CSTF3: variants seen among roughly 807,000 people sequenced by gnomAD.
The protein encoded by CSTF3 is cleavage stimulation factor subunit 3, also known as CF-1 77 kDa subunit.
Under a neutral mutation model 105.8 loss-of-function variants are expected in CSTF3, and 29 were observed. The ratio of observed to expected loss-of-function variants is 0.27; its 90% CI spans 0.20 to 0.37. CSTF3 has a LOEUF of 0.37. CSTF3 is among the 10% of genes least tolerant of loss of function. The pLI is 1.00. For synonymous variants in CSTF3, 252 were observed against 281.9 expected, an observed-to-expected ratio of 0.89 and a Z score of 1.06; for missense variants, 357 against 879.3, an observed-to-expected ratio of 0.41 and a Z score of 7.51.
chr11:33,113,738 C>T (rs1338407465), intron 3 of CSTF3, among the ~76,000 whole-genome samples: 1 of 151,614 alleles, frequency 6.6e-6, no homozygotes, highest in Non-Finnish European at 1.5e-5. Flanking sequence ...GATCAATTAA[C>T]CTTTAAGTTT....
chr11:33,107,392 C>T (rs1211116466), intron 5 of CSTF3, among the ~76,000 whole-genome samples: 1 of 152,104 alleles, frequency 6.6e-6, no homozygotes, highest in East Asian at 1.9e-4. Flanking sequence ...ACAGACATAA[C>T]TTGCCTGTTA....
chr11:33,161,439 G>A lies in CSTF3; in HGVS notation c.-114C>T, dbSNP rs1180141179. The A allele has an allele frequency of 9.0e-6, 10 of 1,108,850 alleles. No individual in the cohort carries two copies. Among genetic ancestry groups the A allele is most frequent in the Middle Eastern group, 2.0e-4 (1 of 5,066 alleles). 68.7% of individuals were successfully genotyped at this position (1,108,850 alleles called of 1,614,324 possible). On this transcript the variant is annotated 5_prime_UTR_variant, in exon 1 of 21. Coordinates refer to ENST00000323959, the MANE Select transcript of CSTF3 (RefSeq NM_001326.3). ...AGTTACCCCCTGCCCAGCTGAGCCA[G>A]ACCGCCAACACCAATCGCCACCGCC...
At chr11:33,109,456 A>C (rs1377981282) in intron 3 of CSTF3, among the ~76,000 whole-genome samples, 2 of 152,080 alleles carry the variant, frequency 1.3e-5, no homozygotes, top group Admixed American at 1.3e-4. Context: ...TGATCTTTAG[A>C]GTTCATAAAT....
intron 3 of CSTF3, among the ~76,000 whole-genome samples, chr11:33,123,612 C>A (rs1481476915): frequency 6.6e-6 from 1 of 151,888 alleles, no homozygotes; most frequent in African/African-American, 2.4e-5. Context: ...ACTTACATGT[C>A]CTTCAGTAGG....
chr11:33,129,414 T>C (rs1029062954), intron 3 of CSTF3, among the ~76,000 whole-genome samples: 5 of 151,712 alleles, frequency 3.3e-5, no homozygotes, highest in Non-Finnish European at 7.4e-5. Flanking sequence ...TTTTTACCTA[T>C]ATCCACATAA....
chr11:33,102,121 T>A (rs944467630), intron 10 of CSTF3, 56 bp downstream of exon 10: 3 of 1,483,396 alleles, frequency 2.0e-6, no homozygotes, highest in Admixed American at 1.7e-5. Context: ...CCTATGGGGA[T>A]ACCAAGTGGC....
intron 1 of CSTF3, among the ~76,000 whole-genome samples, chr11:33,160,386 G>A (rs1182977912): frequency 6.6e-6 from 1 of 152,122 alleles, no homozygotes; most frequent in African/African-American, 2.4e-5. Context: ...AAACCTAAGT[G>A]CATGTCGTTG....
chr11:33,115,613 A>G (rs1368171946), intron 3 of CSTF3, among the ~76,000 whole-genome samples: 3 of 151,830 alleles, frequency 2.0e-5, no homozygotes, highest in Non-Finnish European at 2.9e-5. Flanking sequence ...GCCCTTTTCT[A>G]GCACTGGAGA....
chr11:33,127,298 C>T (rs567841454), intron 3 of CSTF3, among the ~76,000 whole-genome samples: 1 of 152,130 alleles, frequency 6.6e-6, no homozygotes, highest in Non-Finnish European at 1.5e-5. Context: ...CTTAAACATA[C>T]AAATGTTAGG....
At chr11:33,102,386 A>T in intron 9 of CSTF3, 47 bp from the exon 10 acceptor site, 2 of 1,591,812 alleles carry the variant, frequency 1.3e-6, no homozygotes, top group Non-Finnish European at 1.7e-6. Flanking sequence ...GGAACAACTG[A>T]GATATATGGC....
intron 18 of CSTF3, among the ~76,000 whole-genome samples, chr11:33,086,485 TG>T (rs1767748945): frequency 6.6e-6 from 1 of 151,766 alleles, no homozygotes; most frequent in African/African-American, 2.4e-5. Flanking sequence ...TTGCCCAGGC[TG>T]GAGTGCAATG....
rs7952719 is a variant in CSTF3, at chr11:33,134,719, T to C, written c.225+6948A>G. On this transcript the variant is annotated intron_variant, in intron 3 of 20. Transcript: ENST00000323959. Reference sequence around the variant, plus strand: ...TTGACTTTAAAACTGTCAAAAGCCATTAAGGAAGCATTTGAGTTTTCATTT... The same window carrying C: ...TTGACTTTAAAACTGTCAAAAGCCACTAAGGAAGCATTTGAGTTTTCATTT... Among the ~76,000 whole-genome samples, 1,153 of 152,280 alleles carry C rather than the reference T, an allele frequency of 7.6e-3. 18 individuals are homozygous for C. The highest frequency in any genetic ancestry group is 0.026 in the African/African-American group (1,087 of 41,552).
intron 1 of CSTF3, among the ~76,000 whole-genome samples, chr11:33,156,259 T>C (rs1276804586): frequency 6.6e-6 from 1 of 151,952 alleles, no homozygotes; most frequent in Non-Finnish European, 1.5e-5. Context: ...TTGGAAAAAA[T>C]AAATCCAAAA....
rs532933776 is a variant in CSTF3 at position 33,099,944 on chromosome 11, A to G, written c.827-227T>C. On this transcript the variant is annotated intron_variant, in intron 10 of 20. Transcript: ENST00000323959. This position sits in a 1 kb window ranked among gnomAD's most constrained non-coding sequence, Gnocchi z 4.1. ...GCAGGGTCTCTGTCACGTAGGCTGG[A>G]GTGCAGTGGCACAAATATGGTTCAC... Among the ~76,000 whole-genome samples the G allele has an allele frequency of 5.3e-5, 8 of 152,198 alleles. No homozygotes were observed. The highest frequency in any genetic ancestry group is 2.6e-4 in the Admixed American group (4 of 15,292).
In CSTF3 at chr11:33,108,371, T is replaced by C. The variant is rs775159053; in HGVS notation, c.258+15A>G. The C allele has an allele frequency of 8.8e-6, 13 of 1,474,024 alleles. 1 individual carries two copies. The South Asian group carries it at 1.8e-4, about 20-fold the overall frequency. The allele number at this position is 1,474,024 out of a possible 1,614,324, so 91.3% of individuals were successfully genotyped here. On this transcript the variant is annotated intron_variant, in intron 4 of 20. Coordinates refer to ENST00000323959, the MANE Select transcript of CSTF3 (RefSeq NM_001326.3). The stretch of plus-strand genomic sequence containing the variant: ...TTAAACTTCAATATAAAATTCAAAG[T>C]ATTTGAGGACTCACCTTTTCAACCT...
intron 3 of CSTF3, among the ~76,000 whole-genome samples, chr11:33,116,919 A>C (rs1392755555): frequency 6.6e-6 from 1 of 150,618 alleles, no homozygotes; most frequent in African/African-American, 2.4e-5. Flanking sequence ...AGAACAACAG[A>C]CTTTTTTTTT....
chr11:33,120,073 A>T (rs895097490), intron 3 of CSTF3, among the ~76,000 whole-genome samples: 2 of 151,816 alleles, frequency 1.3e-5, no homozygotes, highest in African/African-American at 2.4e-5. Flanking sequence ...TAAAAGGTCA[A>T]TCTAAAGAAA....
intron 1 of CSTF3, among the ~76,000 whole-genome samples, chr11:33,142,748 AAAT>A (rs1456753970): frequency 1.3e-5 from 2 of 152,226 alleles, no homozygotes; most frequent in African/African-American, 2.4e-5. Context: ...TCTTTATAAA[AAAT>A]AACTTAAAAT....
rs1275396050 is a variant in CSTF3, at chr11:33,099,472, TA to T, written c.936+135del. 8.9e-6 allele frequency: 6 copies of T among 677,694 alleles called. No homozygotes were observed. Among genetic ancestry groups the T allele is most frequent in the African/African-American group, 1.9e-5 (1 of 53,216 alleles). The allele number at this position is 677,694 out of a possible 1,614,324, so 42.0% of individuals were successfully genotyped here. ...GGAGGTCTAATTATATGAGTGTCAC[TA>T]AGATTCATATGAACGTAAACTTAAA... On this transcript the variant is annotated intron_variant, in intron 11 of 20. Coordinates refer to ENST00000323959, the MANE Select transcript of CSTF3 (RefSeq NM_001326.3). The surrounding 1 kb of genome is among the most constrained non-coding windows in gnomAD (Gnocchi z 4.1).
Sources: gnomAD v4.1 joint callset for allele counts (sites outside exome capture counted in the v4.1 genomes callset) on GRCh38, gnomAD v4.1.1 for gene constraint, Gnocchi (gnomAD v3.1) non-coding constraint, MANE v1.5 for transcripts, NCBI Gene and HGNC (gene_info 2026-07-23, HGNC 2026-07-21) for gene names.